NCOA6: variants seen among roughly 807,000 people sequenced by gnomAD.
NCOA6 encodes the protein NRC RAP250.
In NCOA6, 49 loss-of-function variants were observed where a neutral mutation model predicts 171.4. The observed-to-expected ratio is 0.29, with a 90% CI of 0.23 to 0.36. The LOEUF (loss-of-function observed/expected upper bound fraction) is 0.36, where lower values mean the gene tolerates loss of function less well. Ranked by LOEUF, NCOA6 falls within the 10% of genes least tolerant of loss-of-function variation. NCOA6 has a pLI of 1.00. For missense variants in NCOA6, 2,248 were observed against 2,554.5 expected, an observed-to-expected ratio of 0.88 and a Z score of 2.59; for synonymous variants, 910 against 927.5, an observed-to-expected ratio of 0.98 and a Z score of 0.34.
At chr20:34,789,519 T>A (rs1217148348) in intron 2 of NCOA6, among the ~76,000 whole-genome samples, 1 of 152,216 alleles carries the variant, frequency 6.6e-6, no homozygotes, top group Non-Finnish European at 1.5e-5. Flanking sequence ...ACACCTGTAA[T>A]CCCAGCACTT....
chr20:34,804,438 T>C (rs1219573365), intron 1 of NCOA6, among the ~76,000 whole-genome samples: 1 of 151,012 alleles, frequency 6.6e-6, no homozygotes, highest in African/African-American at 2.4e-5. Flanking sequence ...ACCTGGGAGG[T>C]TGAGGCTGCA....
At position 34,810,431 on chromosome 20, in the gene NCOA6, A is replaced by G. The variant is rs144561634; in HGVS notation, c.-164+15041T>C. Among the ~76,000 whole-genome samples the G allele has an allele frequency of 9.2e-5, 14 of 152,374 alleles. No individual in the cohort carries two copies. In the East Asian group the frequency reaches 2.7e-3, roughly 29 times the overall value. On this transcript the variant is annotated intron_variant, in intron 1 of 14. Transcript: ENST00000359003. ...TTACAAGTGAGAACTGCAAAAAACA[A>G]GCAAACAAGTAAATAGAAAACACAT... is the stretch of plus-strand genomic sequence containing the variant.
chr20:34,822,578 A>G (rs1476760750), intron 1 of NCOA6, among the ~76,000 whole-genome samples: 4 of 152,200 alleles, frequency 2.6e-5, no homozygotes, highest in Non-Finnish European at 5.9e-5. Context: ...ATCCTGAACT[A>G]TGATTGTTCA....
At position 34,768,606 on chromosome 20, in the gene NCOA6, T is replaced by C; in HGVS notation, c.392-20A>G. The C allele has an allele frequency of 6.2e-7, 1 of 1,611,244 alleles. No individual in the cohort carries two copies. Among genetic ancestry groups the C allele is most frequent in the Non-Finnish European group, 8.5e-7 (1 of 1,179,210 alleles). ...CTTCCCCTGAAAATGAGTCAAGTGATAAAAAGGAAATCATTAGAATAAAAT... is the reference window on the plus strand; with the variant it reads ...CTTCCCCTGAAAATGAGTCAAGTGACAAAAAGGAAATCATTAGAATAAAAT... On this transcript the variant is annotated intron_variant, in intron 4 of 14. Transcript: ENST00000359003.
chr20:34,820,607 C>T (rs2078978186), intron 1 of NCOA6: 1 of 151,772 alleles, frequency 6.6e-6, no homozygotes, highest in Non-Finnish European at 1.5e-5. Flanking sequence ...CCCATCCCTA[C>T]TAAAAACACA....
At chr20:34,750,868 C>A (rs2145721026) in intron 8 of NCOA6, among the ~76,000 whole-genome samples, 1 of 152,212 alleles carries the variant, frequency 6.6e-6, no homozygotes, top group East Asian at 1.9e-4. Context: ...CTTGTAGTGG[C>A]CAGGCTCGGG....
At chr20:34,767,900 C>G (rs1056679377) in intron 5 of NCOA6, among the ~76,000 whole-genome samples, 30 of 152,298 alleles carry the variant, frequency 2.0e-4, no homozygotes, top group African/African-American at 7.0e-4. Context: ...CTTTAAATGA[C>G]AGCCAACTCA....
chr20:34,761,992 T>C (rs1369941087), intron 5 of NCOA6, among the ~76,000 whole-genome samples: 3 of 152,166 alleles, frequency 2.0e-5, no homozygotes, highest in African/African-American at 7.2e-5. Context: ...ATATAAAAAG[T>C]ATTTTGTTAT....
chr20:34,736,858 T>A, intron 11 of NCOA6, 100 bp from the exon 12 acceptor site: 1 of 1,045,000 alleles, frequency 9.6e-7, no homozygotes, highest in Non-Finnish European at 1.4e-6. Flanking sequence ...TGAAACAATG[T>A]ACTCTTAGAG....
chr20:34,810,680 C>A (rs865813419), intron 1 of NCOA6, among the ~76,000 whole-genome samples: 11 of 152,056 alleles, frequency 7.2e-5, no homozygotes, highest in Non-Finnish European at 1.3e-4. Flanking sequence ...CTCAGCCTCC[C>A]GAGTAGCTGG....
chr20:34,735,323 C>T (rs972907700), intron 12 of NCOA6, among the ~76,000 whole-genome samples: 6 of 152,064 alleles, frequency 3.9e-5, no homozygotes, highest in South Asian at 2.1e-4. Flanking sequence ...TGTCAGGTAT[C>T]ATGTGGGCAA....
chr20:34,755,760 G>A (rs2076623972), intron 7 of NCOA6, among the ~76,000 whole-genome samples: 1 of 151,936 alleles, frequency 6.6e-6, no homozygotes, highest in South Asian at 2.1e-4. Flanking sequence ...TTTTGAGATG[G>A]AGTCTCGCTC....
chr20:34,786,224 C>T (rs2077675545), intron 2 of NCOA6, among the ~76,000 whole-genome samples: 1 of 152,022 alleles, frequency 6.6e-6, no homozygotes, highest in African/African-American at 2.4e-5. Flanking sequence ...TTATTTAATT[C>T]TTTTTTCTTC....
chr20:34,823,944 A>T (rs1040390646), intron 1 of NCOA6, among the ~76,000 whole-genome samples: 1 of 152,134 alleles, frequency 6.6e-6, no homozygotes, highest in Non-Finnish European at 1.5e-5. Flanking sequence ...TTGGCCTCCC[A>T]AAGTGTTGGG....
intron 13 of NCOA6, among the ~76,000 whole-genome samples, chr20:34,729,117 A>AT (rs1990314796): frequency 6.6e-6 from 1 of 152,136 alleles, no homozygotes; most frequent in African/African-American, 2.4e-5. Flanking sequence ...CGCCTGGCTA[A>AT]TTTTTGTATT....
intron 14 of NCOA6, among the ~76,000 whole-genome samples, chr20:34,724,875 G>A (rs1237871359): frequency 6.7e-6 from 1 of 150,282 alleles, no homozygotes; most frequent in Non-Finnish European, 1.5e-5. Context: ...TGCAACCTCC[G>A]CCTCCTGGAT....
intron 4 of NCOA6, among the ~76,000 whole-genome samples, chr20:34,775,654 C>T (rs2077290712): frequency 1.6e-5 from 2 of 126,638 alleles, no homozygotes; most frequent in South Asian, 5.2e-4. Flanking sequence ...CACTACACTC[C>T]ATCCTGGGAC....
At chr20:34,792,153 C>CT (rs1469473808) in intron 2 of NCOA6, among the ~76,000 whole-genome samples, 1 of 151,940 alleles carries the variant, frequency 6.6e-6, no homozygotes, top group East Asian at 1.9e-4. Context: ...GTACAATATC[C>CT]TATTATCATT....
chr20:34,719,353 A>T (rs554503973), intron 14 of NCOA6, among the ~76,000 whole-genome samples: 1 of 152,266 alleles, frequency 6.6e-6, no homozygotes, highest in East Asian at 1.9e-4. Context: ...GAAATCGGCG[A>T]GATGCGGTGG....
Sources: gnomAD v4.1 joint callset for allele counts (sites outside exome capture counted in the v4.1 genomes callset) on GRCh38, gnomAD v4.1.1 for gene constraint, MANE v1.5 for transcripts, NCBI Gene and HGNC (gene_info 2026-07-23, HGNC 2026-07-21) for gene names.